Variants in FOXP1 observed in about 807,000 individuals in gnomAD.
The protein encoded by FOXP1 is forkhead box P1, also known as forkhead box protein P1.
In FOXP1, 15 loss-of-function variants were observed where a neutral mutation model predicts 98.2. That is an observed-to-expected ratio of 0.15 (90% confidence interval 0.10 to 0.24). The LOEUF (loss-of-function observed/expected upper bound fraction) is 0.24. Among genes scored for constraint, FOXP1 ranks in the 10% least tolerant of loss-of-function variants. FOXP1 has a pLI of 1.00. For synonymous variants in FOXP1, 371 were observed against 314.5 expected (o/e 1.18, Z -1.90); for missense variants, 633 against 848.5 (o/e 0.75, Z 3.15).
intron 3 of FOXP1, among the ~76,000 whole-genome samples, chr3:71,456,461 T>C (rs1264928943): frequency 6.6e-6 from 1 of 152,178 alleles, no homozygotes; most frequent in African/African-American, 2.4e-5. Context: ...TTCATATACA[T>C]ATTGTCAACA....
intron 6 of FOXP1, among the ~76,000 whole-genome samples, chr3:71,139,903 T>C (rs901926141): frequency 6.6e-6 from 1 of 152,066 alleles, no homozygotes; most frequent in Non-Finnish European, 1.5e-5. Flanking sequence ...CTGGAGTTCA[T>C]AATAAAACCC....
intron 5 of FOXP1, among the ~76,000 whole-genome samples, chr3:71,221,350 G>T (rs532693760): frequency 6.6e-6 from 1 of 152,188 alleles, no homozygotes; most frequent in African/African-American, 2.4e-5. Flanking sequence ...ACATTCCAGG[G>T]TAGAGTCTTG....
chr3:71,090,602 T>C (rs1459205543), intron 7 of FOXP1, among the ~76,000 whole-genome samples: 2 of 152,174 alleles, frequency 1.3e-5, no homozygotes, highest in Admixed American at 1.3e-4. Context: ...TTTGCATATA[T>C]GTAACTATAA....
intron 3 of FOXP1, among the ~76,000 whole-genome samples, chr3:71,390,889 G>C (rs1229440646): frequency 6.6e-6 from 1 of 152,194 alleles, no homozygotes; most frequent in Non-Finnish European, 1.5e-5. Flanking sequence ...ATCAAACTCT[G>C]CCCTCCCCAG....
chr3:71,142,838 AAC>A (rs1407557675), intron 6 of FOXP1, among the ~76,000 whole-genome samples: 5 of 152,224 alleles, frequency 3.3e-5, no homozygotes, highest in Admixed American at 6.5e-5. Flanking sequence ...ACAAAAAACT[AAC>A]ACACGCAGAA....
chr3:71,300,302 A>G (rs1474384146), intron 4 of FOXP1, among the ~76,000 whole-genome samples: 1 of 152,172 alleles, frequency 6.6e-6, no homozygotes, highest in Non-Finnish European at 1.5e-5. Flanking sequence ...CTTTTGGAAG[A>G]GAGTTAGGTC....
chr3:71,309,177 T>C (rs1401540806), intron 4 of FOXP1, among the ~76,000 whole-genome samples: 1 of 152,206 alleles, frequency 6.6e-6, no homozygotes, highest in African/African-American at 2.4e-5. Context: ...TCCATGTGTC[T>C]GTCTCCTCAT....
chr3:71,308,158 G>T (rs1474227306), intron 4 of FOXP1, among the ~76,000 whole-genome samples: 1 of 151,274 alleles, frequency 6.6e-6, no homozygotes, highest in African/African-American at 2.4e-5. Flanking sequence ...GGGAAAGATG[G>T]GGGGGCGTAG....
chr3:71,070,595 T>C (rs2053096769), intron 7 of FOXP1, among the ~76,000 whole-genome samples: 1 of 152,332 alleles, frequency 6.6e-6, no homozygotes, highest in Admixed American at 6.5e-5. Flanking sequence ...ACTGATTAGC[T>C]GGTAGGACTT....
intron 4 of FOXP1, among the ~76,000 whole-genome samples, chr3:71,311,969 C>T (rs146885400): frequency 2.6e-5 from 4 of 152,318 alleles, no homozygotes; most frequent in Non-Finnish European, 5.9e-5. Flanking sequence ...CACCACCTCT[C>T]TAGCTCCCAT....
At chr3:71,449,539 C>G (rs1053407061) in intron 3 of FOXP1, among the ~76,000 whole-genome samples, 2 of 152,174 alleles carry the variant, frequency 1.3e-5, no homozygotes, top group African/African-American at 4.8e-5. Flanking sequence ...TTTCCTAGAA[C>G]CTTACCAAGT....
chr3:71,143,546 G>T, intron 6 of FOXP1, among the ~76,000 whole-genome samples: 1 of 152,140 alleles, frequency 6.6e-6, no homozygotes, highest in Admixed American at 6.5e-5. Context: ...ATGTAAAATG[G>T]AAATAATAAT....
intron 7 of FOXP1, among the ~76,000 whole-genome samples, chr3:71,088,386 T>G (rs1214615063): frequency 7.1e-6 from 1 of 141,662 alleles, no homozygotes. Flanking sequence ...TGGTGATACA[T>G]TGTTTTGTTT....
At chr3:71,263,220 G>T (rs1323018586) in intron 5 of FOXP1, among the ~76,000 whole-genome samples, 3 of 152,102 alleles carry the variant, frequency 2.0e-5, no homozygotes, top group Non-Finnish European at 4.4e-5. Flanking sequence ...CACAGCCATG[G>T]ACAGAATCAG....
chr3:71,213,648 T>G (rs768610884), intron 5 of FOXP1, among the ~76,000 whole-genome samples: 13 of 152,012 alleles, frequency 8.6e-5, no homozygotes, highest in Non-Finnish European at 1.9e-4. Context: ...AAATCCTGTC[T>G]TTACTAAAAA....
At chr3:71,040,865 C>T (rs763923001) in intron 11 of FOXP1, among the ~76,000 whole-genome samples, 1 of 152,110 alleles carries the variant, frequency 6.6e-6, no homozygotes, top group Non-Finnish European at 1.5e-5. Context: ...CTCCAGGGCA[C>T]AATGATGAAA....
At chr3:71,214,915 T>A (rs1244220112) in intron 5 of FOXP1, among the ~76,000 whole-genome samples, 2 of 152,138 alleles carry the variant, frequency 1.3e-5, no homozygotes, top group Admixed American at 6.5e-5. Context: ...CTCCAACAGA[T>A]GAGAAAGTGA....
intron 6 of FOXP1, among the ~76,000 whole-genome samples, chr3:71,142,226 T>C (rs2060104773): frequency 6.6e-6 from 1 of 152,240 alleles, no homozygotes; most frequent in Non-Finnish European, 1.5e-5. Context: ...CTTGGTCCTG[T>C]CAATGTGTAC....
intron 10 of FOXP1, among the ~76,000 whole-genome samples, chr3:71,043,824 C>G (rs1346491425): frequency 1.3e-5 from 2 of 152,126 alleles, no homozygotes; most frequent in Non-Finnish European, 2.9e-5. Context: ...CAAATAAAGA[C>G]AAAGACAAAT....
Sources: gnomAD v4.1 joint callset for allele counts (sites outside exome capture counted in the v4.1 genomes callset) on GRCh38, gnomAD v4.1.1 for gene constraint, MANE v1.5 for transcripts, NCBI Gene and HGNC (gene_info 2026-07-23, HGNC 2026-07-21) for gene names.